The following HIVEP1 variants were observed in gnomAD, a reference collection of about 807,000 sequenced individuals.
HIVEP1 encodes the protein HIVEP zinc finger 1, also known as zinc finger protein 40.
A neutral mutation model predicts 180.0 loss-of-function variants in HIVEP1; 36 were observed. That is an observed-to-expected ratio of 0.20 (90% CI 0.15 to 0.26). The LOEUF (loss-of-function observed/expected upper bound fraction) is 0.26. Among genes scored for constraint, HIVEP1 ranks in the 10% least tolerant of loss-of-function variants. HIVEP1 has a pLI of 1.00. For synonymous variants in HIVEP1, 1,239 were observed against 1,239.0 expected, an observed-to-expected ratio of 1.00 and a Z score of 0.00; for missense variants, 3,143 against 3,268.7, an observed-to-expected ratio of 0.96 and a Z score of 0.94.
chr6:12,204,664 C>T, the HIVEP1 span, among the ~76,000 whole-genome samples: 1 of 152,168 alleles, frequency 6.6e-6, no homozygotes, highest in Non-Finnish European at 1.5e-5. Context: ...CATTAATTCA[C>T]TTACCCATTC....
intron 3 of HIVEP1, among the ~76,000 whole-genome samples, chr6:12,110,460 C>T (rs1210412538): frequency 1.3e-5 from 2 of 152,238 alleles, no homozygotes; most frequent in African/African-American, 4.8e-5. Flanking sequence ...GCTGCAGCTT[C>T]TACATTAACA....
chr6:12,181,359 C>CA, the HIVEP1 span, among the ~76,000 whole-genome samples: 1 of 151,174 alleles, frequency 6.6e-6, no homozygotes, highest in Non-Finnish European at 1.5e-5. Flanking sequence ...GACTCCGTCT[C>CA]AAAAAATAAA....
chr6:12,090,024 TATTAAA>T (rs1335704417), intron 3 of HIVEP1, among the ~76,000 whole-genome samples: 1 of 152,068 alleles, frequency 6.6e-6, no homozygotes, highest in Non-Finnish European at 1.5e-5. Context: ...TGTAATTTTG[TATTAAA>T]ATTAAAAACT....
the HIVEP1 span, among the ~76,000 whole-genome samples, chr6:12,202,893 T>C: frequency 1.6e-4 from 25 of 152,276 alleles, no homozygotes; most frequent in African/African-American, 5.8e-4. Flanking sequence ...CTTTCAATTG[T>C]TTTTGAAAGT....
At position 12,121,128 on chromosome 6, in the gene HIVEP1, A is replaced by G. The variant is rs1757617857; in HGVS notation, c.1333A>G (p.Thr445Ala). ...TGTGACTTGTGGATTTTCATTTAAG[A>G]CTAAAAGTAATCTGTATAAGCACAA... ...PCVTCGFSFK[T>A]KSNLYKHKKS... The change falls in exon 4 of 9, where the codon ACT (threonine) becomes GCT (alanine). Residue 445 changes from threonine (T) to alanine (A), a missense_variant. Around this residue, in one of 12 missense-constraint regions of HIVEP1, gnomAD observed 28 missense variants for 73.6 expected, o/e 0.38. Coordinates refer to ENST00000379388, the MANE Select transcript of HIVEP1 (RefSeq NM_002114.4). This position sits in a 1 kb window ranked among gnomAD's most constrained non-coding sequence, Gnocchi z 5.3. The G allele has an allele frequency of 6.2e-7, 1 of 1,614,074 alleles. No homozygotes were observed. Among genetic ancestry groups the G allele is most frequent in the Non-Finnish European group, 8.5e-7 (1 of 1,180,042 alleles).
At chr6:12,187,785 CAT>C in the HIVEP1 span, among the ~76,000 whole-genome samples, 1 of 151,984 alleles carries the variant, frequency 6.6e-6, no homozygotes, top group Non-Finnish European at 1.5e-5. Context: ...GAGGTTTCAC[CAT>C]ATTGGCCAGG....
rs755285195 is a variant in HIVEP1 at position 12,120,259 on chromosome 6, A to G, written c.464A>G (p.Lys155Arg). The change falls in exon 4 of 9, where the codon AAA (lysine) becomes AGA (arginine). Residue 155 changes from lysine to arginine, a missense_variant. Physicochemically the swap from Lys to Arg is conservative, Grantham distance 26. Transcript: ENST00000379388. ...AGATCCGAAGGCGCTGATCCTGCCA[A>G]ATTCAGTGACCTCGATGAACAATGT... ...RWRSEGADPA[K>R]FSDLDEQCDS... 7 of 1,614,154 alleles carry G rather than the reference A, an allele frequency of 4.3e-6. No individual in the cohort carries two copies. Among genetic ancestry groups the G allele is most frequent in the Non-Finnish European group, 5.9e-6 (7 of 1,180,006 alleles).
At chr6:12,023,753 G>A (rs1768403654) in intron 2 of HIVEP1, among the ~76,000 whole-genome samples, 1 of 151,932 alleles carries the variant, frequency 6.6e-6, no homozygotes, top group Non-Finnish European at 1.5e-5. Context: ...CTTTTTAAAA[G>A]CAAATACAAA....
intron 3 of HIVEP1, among the ~76,000 whole-genome samples, chr6:12,095,999 A>G (rs1181310040): frequency 6.6e-6 from 1 of 151,968 alleles, no homozygotes; most frequent in Non-Finnish European, 1.5e-5. Flanking sequence ...GATTCAGACA[A>G]TGGCCATAGA....
At chr6:12,041,720 G>A (rs1392273456) in intron 2 of HIVEP1, among the ~76,000 whole-genome samples, 2 of 152,128 alleles carry the variant, frequency 1.3e-5, no homozygotes, top group African/African-American at 2.4e-5. Flanking sequence ...CTGGAGTTCA[G>A]TTGCTTGATC....
At chr6:12,068,772 T>C (rs573764606) in intron 2 of HIVEP1, among the ~76,000 whole-genome samples, 45 of 152,334 alleles carry the variant, frequency 3.0e-4, no homozygotes, top group African/African-American at 1.1e-3. Flanking sequence ...TTTACACATA[T>C]GTTCATATAT....
chr6:12,030,179 C>A (rs1768846577), intron 2 of HIVEP1, among the ~76,000 whole-genome samples: 1 of 152,054 alleles, frequency 6.6e-6, no homozygotes, highest in Non-Finnish European at 1.5e-5. Context: ...TGTTTGTTTT[C>A]TTTGCAAGAT....
rs375172057 is a variant in HIVEP1 at position 12,123,362 on chromosome 6, C to T, written c.3567C>T (p.Asp1189=). ...ISQEESHPSR[D]GSHPHQLALS... is the part of the protein sequence containing the mutation. ...AAGAGGAAAGTCACCCTTCTCGGGA[C>T]GGGTCTCATCCTCACCAGCTTGCAC... The change falls in exon 4 of 9, where the codon GAC becomes GAT. Residue 1189 remains aspartate (D), a synonymous_variant. Coordinates refer to ENST00000379388, the MANE Select transcript of HIVEP1 (RefSeq NM_002114.4). 113 of 1,613,974 alleles carry T rather than the reference C, an allele frequency of 7.0e-5. 1 individual carries two copies. The highest frequency in any genetic ancestry group is 1.6e-4 in the Middle Eastern group (1 of 6,082).
intron 2 of HIVEP1, among the ~76,000 whole-genome samples, chr6:12,018,970 A>G (rs1418765455): frequency 6.6e-6 from 1 of 152,198 alleles, no homozygotes; most frequent in African/African-American, 2.4e-5. Flanking sequence ...CTTCTTTAAG[A>G]TATTTTTAAA....
chr6:12,046,765 G>T, intron 2 of HIVEP1, among the ~76,000 whole-genome samples: 1 of 149,236 alleles, frequency 6.7e-6, no homozygotes, highest in East Asian at 2.0e-4. Flanking sequence ...GTGACAGAGC[G>T]AGACTCTGTC....
rs375240821 is a variant in HIVEP1, at chr6:12,124,489, A to G, written c.4694A>G (p.Gln1565Arg). Residue 1565 changes from glutamine to arginine, a missense_variant, in exon 4 of 9, where the codon CAG becomes CGG. This residue lies in a region of HIVEP1 where 1,357 missense variants were observed against 1,260.5 expected (regional missense o/e 1.08). Transcript: ENST00000379388. ...CFAPKYQLHC[Q>R]VFTSGPSCSS... ...GCTCCCAAATACCAATTGCATTGTC[A>G]GGTTTTCACTTCAGGCCCATCTTGC... 6.2e-7 allele frequency: 1 copy of G among 1,614,214 alleles called. No individual in the cohort carries two copies. The highest frequency in any genetic ancestry group is 8.5e-7 in the Non-Finnish European group (1 of 1,180,038).
chr6:12,199,557 C>G, the HIVEP1 span, among the ~76,000 whole-genome samples: 1 of 152,032 alleles, frequency 6.6e-6, no homozygotes, highest in Non-Finnish European at 1.5e-5. Context: ...GATGGGTTTT[C>G]TCCATGTTGG....
intron 2 of HIVEP1, among the ~76,000 whole-genome samples, chr6:12,034,494 G>C (rs1217830227): frequency 6.6e-6 from 1 of 152,196 alleles, no homozygotes; most frequent in Non-Finnish European, 1.5e-5. Flanking sequence ...ATACATTGTA[G>C]CCTCAGCGAC....
At chr6:12,017,359 T>G (rs572550049) in intron 2 of HIVEP1, among the ~76,000 whole-genome samples, 4 of 152,336 alleles carry the variant, frequency 2.6e-5, no homozygotes, top group African/African-American at 9.6e-5. Context: ...TGTTTGGAGT[T>G]TCTTTCTTCT....
Sources: allele counts gnomAD v4.1 joint callset (sites outside exome capture counted in the v4.1 genomes callset), GRCh38; gene constraint gnomAD v4.1.1; regional missense constraint gnomAD v4.1.1; non-coding constraint Gnocchi (gnomAD v3.1); transcripts MANE v1.5; gene names NCBI Gene and HGNC (gene_info 2026-07-23, HGNC 2026-07-21).